GRM7: variants seen among roughly 807,000 people sequenced by gnomAD.
GRM7 encodes the protein glutamate metabotropic receptor 7, also known as metabotropic glutamate receptor 7.
Under a neutral mutation model 84.5 loss-of-function variants are expected in GRM7, and 35 were observed. The observed-to-expected ratio is 0.41, with a 90% CI of 0.32 to 0.55. The LOEUF (loss-of-function observed/expected upper bound fraction) is 0.55, where lower values mean the gene tolerates loss of function less well. Ranked by LOEUF, GRM7 falls within the 20% of genes least tolerant of loss-of-function variation. GRM7 has a pLI of 0.19. For synonymous variants in GRM7, 487 were observed against 455.1 expected, an observed-to-expected ratio of 1.07 and a Z score of -0.89; for missense variants, 1,003 against 1,194.6, an observed-to-expected ratio of 0.84 and a Z score of 2.36.
At chr3:7,280,913 C>T (rs1286940169) in intron 2 of GRM7, among the ~76,000 whole-genome samples, 2 of 151,984 alleles carry the variant, frequency 1.3e-5, no homozygotes, top group Non-Finnish European at 2.9e-5. Flanking sequence ...ATCATCATCC[C>T]GAGACTTTCA....
chr3:7,318,039 A>G (rs1700643610), intron 4 of GRM7, among the ~76,000 whole-genome samples: 1 of 152,134 alleles, frequency 6.6e-6, no homozygotes, highest in African/African-American at 2.4e-5. Context: ...AAACTGAAAA[A>G]AATAAATCTA....
At chr3:7,115,892 T>G (rs1693014394) in intron 1 of GRM7, among the ~76,000 whole-genome samples, 1 of 152,142 alleles carries the variant, frequency 6.6e-6, no homozygotes, top group Non-Finnish European at 1.5e-5. Context: ...ATCAACAACC[T>G]GGCAGTACTG....
At chr3:6,865,140 G>A (rs1298674952) in intron 1 of GRM7, among the ~76,000 whole-genome samples, 2 of 152,314 alleles carry the variant, frequency 1.3e-5, no homozygotes, top group East Asian at 3.9e-4. Context: ...CAGCCTCAAA[G>A]AAACATCAGG....
chr3:6,892,890 A>G (rs1331442007), intron 1 of GRM7: 1 of 152,142 alleles, frequency 6.6e-6, no homozygotes, highest in African/African-American at 2.4e-5. Context: ...CCCGAACTCA[A>G]ATAGAAAGAT....
chr3:7,603,523 T>C (rs1202680100), intron 8 of GRM7, among the ~76,000 whole-genome samples: 1 of 152,166 alleles, frequency 6.6e-6, no homozygotes, highest in Admixed American at 6.6e-5. Flanking sequence ...AGAAAAATTG[T>C]GCAAGCTAGT....
chr3:7,578,096 T>C (rs1695050004), intron 7 of GRM7, among the ~76,000 whole-genome samples: 1 of 152,200 alleles, frequency 6.6e-6, no homozygotes, highest in Admixed American at 6.5e-5. Flanking sequence ...AAGAATCCTT[T>C]GGGCACTTGT....
At chr3:7,302,951 T>G (rs1267863255) in intron 3 of GRM7, among the ~76,000 whole-genome samples, 4 of 112,594 alleles carry the variant, frequency 3.6e-5, no homozygotes, top group Non-Finnish European at 8.1e-5. Context: ...TTTTTTTTTT[T>G]TTTTGTTGAG....
intron 5 of GRM7, among the ~76,000 whole-genome samples, chr3:7,438,661 GA>G (rs1697157024): frequency 6.6e-6 from 1 of 152,062 alleles, no homozygotes; most frequent in Non-Finnish European, 1.5e-5. Context: ...GAGGTAGCCA[GA>G]CCAATAAACA....
intron 1 of GRM7, among the ~76,000 whole-genome samples, chr3:7,031,739 G>A (rs1696191491): frequency 6.6e-6 from 1 of 152,018 alleles, no homozygotes; most frequent in African/African-American, 2.4e-5. Context: ...CATATTCATA[G>A]ATGATTTTAT....
chr3:7,404,129 GGT>G (rs1695575793), intron 4 of GRM7, among the ~76,000 whole-genome samples: 1 of 152,046 alleles, frequency 6.6e-6, no homozygotes, highest in African/African-American at 2.4e-5. Context: ...TGTAGACCAG[GGT>G]GTAAACTGTT....
chr3:7,522,525 C>T lies in GRM7; in HGVS notation c.1516-55897C>T, dbSNP rs372658514. Among the ~76,000 whole-genome samples, 4 of 152,244 alleles carry T rather than the reference C, an allele frequency of 2.6e-5. No individual in the cohort carries two copies. The South Asian group carries it at 6.2e-4, about 24-fold the overall frequency. ...CAGAGGTCAGTTTATGCCTTCACCC[C>T]CTGACATTCTCCCCACATCCACACA... is the stretch of plus-strand genomic sequence containing the variant. On this transcript the variant is annotated intron_variant, in intron 7 of 9. Coordinates refer to ENST00000357716, the MANE Select transcript of GRM7 (RefSeq NM_000844.4).
At chr3:7,458,714 G>A (rs1470400709) in intron 6 of GRM7, among the ~76,000 whole-genome samples, 1 of 152,150 alleles carries the variant, frequency 6.6e-6, no homozygotes, top group East Asian at 1.9e-4. Flanking sequence ...TTCCTCTGGA[G>A]CCCCAGGCCT....
chr3:7,330,605 A>T (rs951023231), intron 4 of GRM7, among the ~76,000 whole-genome samples: 1 of 152,114 alleles, frequency 6.6e-6, no homozygotes, highest in Non-Finnish European at 1.5e-5. Context: ...GTCTCAGAAG[A>T]TCTGATGGCT....
rs534004806 is a variant in GRM7 at position 6,905,588 on chromosome 3, C to T, written c.519+43681C>T. On this transcript the variant is annotated intron_variant, in intron 1 of 9. Transcript: ENST00000357716. Reference sequence around the variant, plus strand: ...CCCTTCCTCTTTCTCTCTCCCTCTCCGTCTTCTGTTGGCCAATTCCAATAG... The same window carrying T: ...CCCTTCCTCTTTCTCTCTCCCTCTCTGTCTTCTGTTGGCCAATTCCAATAG... 8.0e-5 allele frequency among the ~76,000 whole-genome samples: 12 copies of T among 149,782 alleles called. 1 individual carries two copies. The South Asian group carries it at 8.4e-4, about 10-fold the overall frequency.
chr3:7,141,617 T>A (rs1233206235), intron 1 of GRM7, among the ~76,000 whole-genome samples: 1 of 151,952 alleles, frequency 6.6e-6, no homozygotes, highest in African/African-American at 2.4e-5. Context: ...AACGTGATTA[T>A]CCATGATCAT....
intron 8 of GRM7, among the ~76,000 whole-genome samples, chr3:7,599,694 G>A (rs1403513499): frequency 1.3e-5 from 2 of 152,160 alleles, no homozygotes; most frequent in African/African-American, 4.8e-5. Flanking sequence ...GGGATTGTCA[G>A]AAAGACAGAT....
chr3:7,478,740 G>C lies in GRM7; in HGVS notation c.1515+17018G>C, dbSNP rs140526466. On this transcript the variant is annotated intron_variant, in intron 7 of 9. Coordinates refer to ENST00000357716, the MANE Select transcript of GRM7 (RefSeq NM_000844.4). ...GATGAGTAGTCCTAGCTATCAACTAGTGTGAAGGCATTTTAGTACTCAAAG... is the reference window on the plus strand; with the variant it reads ...GATGAGTAGTCCTAGCTATCAACTACTGTGAAGGCATTTTAGTACTCAAAG... 6.1e-3 allele frequency among the ~76,000 whole-genome samples: 927 copies of C among 152,224 alleles called. 9 individuals are homozygous for C. Among genetic ancestry groups the C allele is most frequent in the South Asian group, 0.021 (101 of 4,828 alleles).
intron 7 of GRM7, among the ~76,000 whole-genome samples, chr3:7,558,066 G>T (rs1023406902): frequency 1.4e-5 from 2 of 141,308 alleles, no homozygotes; most frequent in Non-Finnish European, 3.2e-5. Flanking sequence ...ACTGGTAAAA[G>T]CATTTGCTTT....
intron 2 of GRM7, among the ~76,000 whole-genome samples, chr3:7,288,574 G>A (rs1699511363): frequency 6.6e-6 from 1 of 152,090 alleles, no homozygotes; most frequent in South Asian, 2.1e-4. Flanking sequence ...CCCCACTTCT[G>A]TCTATCTCTG....
Sources: gnomAD v4.1 joint callset for allele counts (sites outside exome capture counted in the v4.1 genomes callset) on GRCh38, gnomAD v4.1.1 for gene constraint, MANE v1.5 for transcripts, NCBI Gene and HGNC (gene_info 2026-07-23, HGNC 2026-07-21) for gene names.